The following EPHA6 variants were observed in gnomAD, a reference collection of about 807,000 sequenced individuals.
EPHA6 encodes EPH receptor A6.
EPHA6 carries 50 observed loss-of-function variants against 112.0 expected under a neutral mutation model. That is an observed-to-expected ratio of 0.45 (90% CI 0.36 to 0.56). The LOEUF is 0.56. Ranked by LOEUF, EPHA6 falls within the 20% of genes least tolerant of loss-of-function variation. EPHA6 has a pLI of 0.00. For synonymous variants in EPHA6, 529 were observed against 490.7 expected (o/e 1.08, Z -1.03); for missense variants, 1,280 against 1,417.4 (o/e 0.90, Z 1.56).
At chr3:97,636,556 T>C (rs2093947139) in intron 13 of EPHA6, among the ~76,000 whole-genome samples, 2 of 152,112 alleles carry the variant, frequency 1.3e-5, no homozygotes. Flanking sequence ...TTGGGAGATA[T>C]TATCAGAGAG....
At chr3:97,408,657 A>G (rs989067269) in intron 6 of EPHA6, among the ~76,000 whole-genome samples, 3 of 151,950 alleles carry the variant, frequency 2.0e-5, no homozygotes, top group Non-Finnish European at 4.4e-5. Context: ...GTTCATAGAC[A>G]GTGGTTTTCT....
chr3:97,026,606 C>T (rs1267458810), intron 3 of EPHA6, among the ~76,000 whole-genome samples: 1 of 151,618 alleles, frequency 6.6e-6, no homozygotes, highest in African/African-American at 2.4e-5. Flanking sequence ...TACAAGAAGA[C>T]AACCCCATAA....
intron 5 of EPHA6, among the ~76,000 whole-genome samples, chr3:97,391,140 T>A (rs1239021369): frequency 6.6e-6 from 1 of 152,046 alleles, no homozygotes; most frequent in East Asian, 1.9e-4. Context: ...TTTACTTTTT[T>A]ACATTAATTC....
At chr3:96,869,042 T>C (rs1039259545) in intron 2 of EPHA6, among the ~76,000 whole-genome samples, 3 of 152,004 alleles carry the variant, frequency 2.0e-5, no homozygotes, top group Non-Finnish European at 2.9e-5. Context: ...CTTACAGAAA[T>C]GAAAAGAGAA....
At chr3:97,263,302 AG>A (rs1390801360) in intron 5 of EPHA6, among the ~76,000 whole-genome samples, 58 of 152,228 alleles carry the variant, frequency 3.8e-4, no homozygotes, top group African/African-American at 1.2e-3. Context: ...ATATATTCTC[AG>A]GGCCTAGTAC....
At chr3:96,975,843 A>G (rs1473130047) in intron 2 of EPHA6, among the ~76,000 whole-genome samples, 1 of 152,068 alleles carries the variant, frequency 6.6e-6, no homozygotes, top group Non-Finnish European at 1.5e-5. Flanking sequence ...TATTTGCAAG[A>G]TTTTCTTCCC....
At chr3:97,545,623 T>C (rs557295447) in intron 11 of EPHA6, among the ~76,000 whole-genome samples, 2 of 152,348 alleles carry the variant, frequency 1.3e-5, no homozygotes, top group African/African-American at 4.8e-5. Context: ...GTATCCTTGC[T>C]AACTTTCTGT....
At chr3:97,293,140 C>G (rs985974089) in intron 5 of EPHA6, among the ~76,000 whole-genome samples, 1 of 151,164 alleles carries the variant, frequency 6.6e-6, no homozygotes, top group Admixed American at 6.6e-5. Context: ...GTGGGCAGCT[C>G]CATTCCTCAG....
At chr3:97,639,888 CTTGA>C (rs2093985645) in intron 14 of EPHA6, among the ~76,000 whole-genome samples, 1 of 151,960 alleles carries the variant, frequency 6.6e-6, no homozygotes, top group African/African-American at 2.4e-5. Flanking sequence ...TAGATTATGT[CTTGA>C]TTAAGAAATA....
chr3:97,361,191 T>C (rs887466779), intron 5 of EPHA6, among the ~76,000 whole-genome samples: 1 of 152,208 alleles, frequency 6.6e-6, no homozygotes, highest in Non-Finnish European at 1.5e-5. Flanking sequence ...GCCTCATTAA[T>C]GTGTACACCT....
intron 5 of EPHA6, among the ~76,000 whole-genome samples, chr3:97,360,873 C>G (rs2084336429): frequency 6.6e-6 from 1 of 152,178 alleles, no homozygotes; most frequent in Non-Finnish European, 1.5e-5. Context: ...TATCTCCCCT[C>G]ATGCATTCTA....
At chr3:97,727,749 C>T (rs2034839668) in intron 15 of EPHA6, among the ~76,000 whole-genome samples, 1 of 152,046 alleles carries the variant, frequency 6.6e-6, no homozygotes. Flanking sequence ...CCTAACTTTT[C>T]AGTAATTCTT....
chr3:97,244,064 A>G lies in EPHA6; in HGVS notation c.1383A>G (p.Val461=), dbSNP rs1441967335. The G allele has an allele frequency of 3.1e-6, 5 of 1,612,778 alleles. No individual in the cohort carries two copies. The highest frequency in any genetic ancestry group is 3.3e-5 in the Admixed American group (2 of 59,766). Reference sequence around the variant, plus strand: ...GGAGAAAAGATCTCACATACAGTGTAATCTGTAAGAAATGTGGCTTAGACA... The same window carrying G: ...GGAGAAAAGATCTCACATACAGTGTGATCTGTAAGAAATGTGGCTTAGACA... ...TGGRKDLTYS[V]ICKKCGLDTS... Residue 461 remains valine, a synonymous_variant, in exon 5 of 18, where the codon GTA becomes GTG. Transcript: ENST00000389672.
intron 3 of EPHA6, among the ~76,000 whole-genome samples, chr3:97,144,589 A>G (rs1401366795): frequency 6.6e-6 from 1 of 151,384 alleles, no homozygotes; most frequent in Non-Finnish European, 1.5e-5. Flanking sequence ...CTGTTGCTAC[A>G]CCACTGTAAA....
Position 97,497,879 on chromosome 3 carries a change from C to T in EPHA6, c.2200+13820C>T, listed in dbSNP as rs537863305. Among the ~76,000 whole-genome samples the T allele has an allele frequency of 2.0e-5, 3 of 151,748 alleles. 1 individual carries two copies. In the South Asian group the frequency reaches 6.2e-4, roughly 31 times the overall value. ...ACATAGATTGCAATTAAAATGATCA[C>T]TATAATGTCAGTGTGGAGGAAGGAT... On this transcript the variant is annotated intron_variant, in intron 10 of 17. Coordinates refer to ENST00000389672, the MANE Select transcript of EPHA6 (RefSeq NM_001080448.3).
chr3:97,204,970 C>G (rs1265794989), intron 3 of EPHA6, among the ~76,000 whole-genome samples: 1 of 151,984 alleles, frequency 6.6e-6, no homozygotes, highest in African/African-American at 2.4e-5. Flanking sequence ...CTTATATTTT[C>G]CATTAAAATT....
intron 15 of EPHA6, 60 bp downstream of exon 15, chr3:97,720,470 G>A (rs1047532806): frequency 6.9e-7 from 1 of 1,443,550 alleles, no homozygotes; most frequent in Non-Finnish European, 9.3e-7. Flanking sequence ...AGCTTGAGGG[G>A]GAATTATGCC....
At chr3:97,737,188 G>C (rs913317858) in intron 16 of EPHA6, among the ~76,000 whole-genome samples, 5 of 152,068 alleles carry the variant, frequency 3.3e-5, no homozygotes, top group African/African-American at 9.7e-5. Flanking sequence ...GGAAGGAAAG[G>C]CACTTTGGAT....
At chr3:96,865,712 AAAAG>A (rs1432257374) in intron 1 of EPHA6, among the ~76,000 whole-genome samples, 4 of 151,396 alleles carry the variant, frequency 2.6e-5, no homozygotes, top group African/African-American at 4.8e-5. Context: ...AAAAAAAAAA[AAAAG>A]GAAAAAGAAA....
Sources: allele counts gnomAD v4.1 joint callset (sites outside exome capture counted in the v4.1 genomes callset), GRCh38; gene constraint gnomAD v4.1.1; transcripts MANE v1.5; gene names NCBI Gene and HGNC (gene_info 2026-07-23, HGNC 2026-07-21).